Variants in ARIH1 observed in about 807,000 individuals in gnomAD.
ARIH1 encodes E3 ubiquitin-protein ligase ARIH1.
ARIH1 carries 8 observed loss-of-function variants against 85.0 expected under a neutral mutation model. That is an observed-to-expected ratio of 0.09 (90% CI 0.06 to 0.17). The LOEUF is 0.17. Ranked by LOEUF, ARIH1 falls within the 10% of genes least tolerant of loss-of-function variation. The pLI is 1.00. For synonymous variants in ARIH1, 238 were observed against 253.6 expected, an observed-to-expected ratio of 0.94 and a Z score of 0.59; for missense variants, 311 against 718.1, an observed-to-expected ratio of 0.43 and a Z score of 6.48.
At chr15:72,496,686 G>A in intron 1 of ARIH1, 1 of 458,586 alleles carries the variant, frequency 2.2e-6, no homozygotes, top group Non-Finnish European at 2.9e-6. Flanking sequence ...TTTTCTTCTG[G>A]TTTTCCCCAC....
At chr15:72,480,380 G>A (rs1311398378) in intron 1 of ARIH1, among the ~76,000 whole-genome samples, 1 of 151,036 alleles carries the variant, frequency 6.6e-6, no homozygotes, top group Non-Finnish European at 1.5e-5. Flanking sequence ...TCCTGCTTCA[G>A]CCTCTCAAGT....
At chr15:72,522,540 CAA>C (rs376926786) in intron 2 of ARIH1, among the ~76,000 whole-genome samples, 8 of 151,366 alleles carry the variant, frequency 5.3e-5, no homozygotes, top group South Asian at 2.1e-4. Flanking sequence ...AAAATAAAAA[CAA>C]GAGAATGAGG....
Position 72,592,053 on chromosome 15 carries a change from A to G in ARIH1, c.*8761A>G, listed in dbSNP as rs2064345540. ...TAGAGAGTGGGATTAATGAAAAGTT[A>G]TAGTGTTCTGCATGCCTTTGAATAA... On this transcript the variant is annotated 3_prime_UTR_variant, in exon 14 of 14. Coordinates refer to ENST00000379887, the MANE Select transcript of ARIH1 (RefSeq NM_005744.5). 1 of 152,258 alleles carries G rather than the reference A, an allele frequency of 6.6e-6. No homozygotes were observed. Among genetic ancestry groups the G allele is most frequent in the Admixed American group, 6.5e-5 (1 of 15,284 alleles). 9.4% of individuals were successfully genotyped at this position (152,258 alleles called of 1,614,324 possible).
intron 1 of ARIH1, among the ~76,000 whole-genome samples, chr15:72,516,038 A>G (rs2063973589): frequency 1.3e-5 from 2 of 152,206 alleles, no homozygotes; most frequent in Admixed American, 6.5e-5. Flanking sequence ...GAAACTAGGA[A>G]TCTGTTTTAA....
rs368701262 is a variant in ARIH1, at chr15:72,590,139, A to G, written c.*6847A>G. ...CCGGGCACTGGCAGTACAGCAGTGA[A>G]CAAAAGGTCTGTTGGTTTGTCTGAA... On this transcript the variant is annotated 3_prime_UTR_variant, in exon 14 of 14. Coordinates refer to ENST00000379887, the MANE Select transcript of ARIH1 (RefSeq NM_005744.5). 4 of 152,246 alleles carry G rather than the reference A, an allele frequency of 2.6e-5. No homozygotes were observed. Among genetic ancestry groups the G allele is most frequent in the African/African-American group, 9.7e-5 (4 of 41,438 alleles). 9.4% of individuals were successfully genotyped at this position (152,246 alleles called of 1,614,324 possible). A position where few individuals can be genotyped will look rare whatever the true frequency, so the allele number is the denominator to read the frequency against.
intron 1 of ARIH1, among the ~76,000 whole-genome samples, chr15:72,507,299 C>T (rs1264216900): frequency 6.6e-6 from 1 of 152,208 alleles, no homozygotes; most frequent in Non-Finnish European, 1.5e-5. Flanking sequence ...GCTGGGATTA[C>T]AGGCGTGAGC....
chr15:72,486,747 G>A (rs2063839179), intron 1 of ARIH1, among the ~76,000 whole-genome samples: 1 of 127,824 alleles, frequency 7.8e-6, no homozygotes, highest in Admixed American at 9.7e-5. Flanking sequence ...AGGCTGGAGT[G>A]CAGTGGCATG....
rs537336590 is a variant in ARIH1, at chr15:72,536,396, CT to C, written c.444-8416del. On this transcript the variant is annotated intron_variant, in intron 2 of 13. Coordinates refer to ENST00000379887, the MANE Select transcript of ARIH1 (RefSeq NM_005744.5). ...AGGCTCACTAGCTACTGCACATAGC[CT>C]TTTTTTTCTTTTGAAATTTTATTTA... Among the ~76,000 whole-genome samples, 93 of 152,072 alleles carry C rather than the reference CT, an allele frequency of 6.1e-4. 1 individual carries two copies. Among genetic ancestry groups the C allele is most frequent in the African/African-American group, 2.1e-3 (87 of 41,480 alleles).
intron 9 of ARIH1, among the ~76,000 whole-genome samples, chr15:72,569,126 T>C (rs2064232964): frequency 6.6e-6 from 1 of 152,144 alleles, no homozygotes; most frequent in South Asian, 2.1e-4. Context: ...CTGGGCAACA[T>C]GGTGAAACCC....
At chr15:72,492,043 G>A (rs2063861567) in intron 1 of ARIH1, among the ~76,000 whole-genome samples, 2 of 152,046 alleles carry the variant, frequency 1.3e-5, no homozygotes, top group South Asian at 4.1e-4. Context: ...ATGACTAAGA[G>A]TGGAATAGAG....
At chr15:72,518,729 A>C (rs1476539345) in intron 2 of ARIH1, among the ~76,000 whole-genome samples, 1 of 151,282 alleles carries the variant, frequency 6.6e-6, no homozygotes, top group Non-Finnish European at 1.5e-5. Flanking sequence ...CGGAGGTTGC[A>C]GTGAGCAGAG....
chr15:72,515,669 CAA>C (rs2063971874), intron 1 of ARIH1, among the ~76,000 whole-genome samples: 2 of 152,188 alleles, frequency 1.3e-5, no homozygotes, highest in African/African-American at 2.4e-5. Context: ...CTTCAGTTTT[CAA>C]AGTCTTTGCC....
intron 6 of ARIH1, among the ~76,000 whole-genome samples, chr15:72,562,142 A>G (rs949694782): frequency 6.6e-6 from 1 of 152,090 alleles, no homozygotes; most frequent in Non-Finnish European, 1.5e-5. Flanking sequence ...ATGTTTAATC[A>G]TGTTTGAGAT....
intron 2 of ARIH1, among the ~76,000 whole-genome samples, chr15:72,523,793 G>A (rs963513689): frequency 3.3e-5 from 5 of 150,392 alleles, no homozygotes; most frequent in African/African-American, 1.2e-4. Context: ...GCCTTAAACT[G>A]CTCTAAAAAA....
intron 2 of ARIH1, among the ~76,000 whole-genome samples, chr15:72,532,133 ACATG>A (rs911038255): frequency 6.6e-6 from 1 of 152,022 alleles, no homozygotes; most frequent in Non-Finnish European, 1.5e-5. Flanking sequence ...AAAATAGAAA[ACATG>A]CAGTAGAAGG....
intron 2 of ARIH1, among the ~76,000 whole-genome samples, chr15:72,525,029 G>A (rs1317172371): frequency 6.6e-6 from 1 of 152,104 alleles, no homozygotes; most frequent in Non-Finnish European, 1.5e-5. Flanking sequence ...TGGAACTACA[G>A]GTGCGTGCCA....
chr15:72,486,863 T>C (rs1463031658), intron 1 of ARIH1, among the ~76,000 whole-genome samples: 2 of 151,600 alleles, frequency 1.3e-5, no homozygotes, highest in Non-Finnish European at 2.9e-5. Flanking sequence ...CTGGCTAATT[T>C]TTGTATTTTT....
At chr15:72,513,669 ATC>A (rs1325730865) in intron 1 of ARIH1, among the ~76,000 whole-genome samples, 2 of 117,292 alleles carry the variant, frequency 1.7e-5, no homozygotes, top group African/African-American at 6.8e-5. Context: ...GCAGGTTTCA[ATC>A]TCTCTCTCTC....
intron 9 of ARIH1, 134 bp downstream of exon 9, chr15:72,567,311 T>C (rs1483045234): frequency 3.0e-6 from 2 of 663,650 alleles, no homozygotes; most frequent in Non-Finnish European, 5.0e-6. Context: ...TTTTTTTTTT[T>C]TCCCAGAATG....
Sources: allele counts gnomAD v4.1 joint callset (sites outside exome capture counted in the v4.1 genomes callset), GRCh38; gene constraint gnomAD v4.1.1; transcripts MANE v1.5; gene names NCBI Gene and HGNC (gene_info 2026-07-23, HGNC 2026-07-21).